Variants in ATP8B3 observed in about 807,000 individuals in gnomAD.
ATP8B3 encodes phospholipid-transporting ATPase IK.
ATP8B3 carries 141 observed loss-of-function variants against 140.9 expected under a neutral mutation model. That is an observed-to-expected ratio of 1.00 (90% CI 0.87 to 1.15). ATP8B3 has a LOEUF of 1.15. Among genes scored for constraint, ATP8B3 ranks in the 50% most tolerant of loss-of-function variants. The pLI is 0.00. For synonymous variants in ATP8B3, 765 were observed against 714.6 expected, an observed-to-expected ratio of 1.07 and a Z score of -1.13; for missense variants, 1,874 against 1,740.6, an observed-to-expected ratio of 1.08 and a Z score of -1.36.
chr19:1,807,318 C>G lies in ATP8B3; in HGVS notation c.517-52G>C. On this transcript the variant is annotated intron_variant, in intron 5 of 28. Coordinates refer to ENST00000310127, the MANE Select transcript of ATP8B3 (RefSeq NM_138813.4). This position sits in a 1 kb window ranked among gnomAD's most constrained non-coding sequence, Gnocchi z 5.9. ...TCACACCAGCCCACTCCCCCGTCCCCTGCCCTTCCACCAAGCCGACCTAGC... is the reference window on the plus strand; with the variant it reads ...TCACACCAGCCCACTCCCCCGTCCCGTGCCCTTCCACCAAGCCGACCTAGC... The G allele has an allele frequency of 6.7e-7, 1 of 1,481,974 alleles. No homozygotes were observed. The highest frequency in any genetic ancestry group is 1.1e-5 in the South Asian group (1 of 87,166). The allele number at this position is 1,481,974 out of a possible 1,614,324, so 91.8% of individuals were successfully genotyped here. A position where few individuals can be genotyped will look rare whatever the true frequency, so the allele number is the denominator to read the frequency against.
chr19:1,791,953 C>T (rs767028725), intron 19 of ATP8B3, 48 bp downstream of exon 19: 7 of 1,488,798 alleles, frequency 4.7e-6, no homozygotes, highest in East Asian at 5.0e-5. Flanking sequence ...CCCTTGGGTG[C>T]CCCCGCTGCC....
Position 1,800,215 on chromosome 19 carries a change from C to T in ATP8B3, c.1343+44G>A, listed in dbSNP as rs766182344. ...CTGCTGTGTGCCATCCCCATGCCTC[C>T]CCGTTCCGCGTTTGCACCGGGGACG... On this transcript the variant is annotated intron_variant, in intron 13 of 28. Transcript: ENST00000310127. The surrounding 1 kb of genome is among the most constrained non-coding windows in gnomAD (Gnocchi z 4.4). The T allele has an allele frequency of 1.4e-5, 23 of 1,598,930 alleles. No homozygotes were observed. Among genetic ancestry groups the T allele is most frequent in the Admixed American group, 5.1e-5 (3 of 58,270 alleles).
Position 1,784,878 on chromosome 19 carries a change from T to C in ATP8B3, c.3601A>G (p.Thr1201Ala). The change falls in exon 28 of 29, where the codon ACC becomes GCC. Residue 1201 changes from threonine to alanine, a missense_variant. Coordinates refer to ENST00000310127, the MANE Select transcript of ATP8B3 (RefSeq NM_138813.4). Reference sequence around the variant, plus strand: ...ACTCGGAGGGCCAGGACAGGGAAGGTGTTTATGGACACACTCAGCAGGACC... The same window carrying C: ...ACTCGGAGGGCCAGGACAGGGAAGGCGTTTATGGACACACTCAGCAGGACC... Reference protein sequence around the residue: ...LVVLLSVSINTFPVLALRVIF... With the variant: ...LVVLLSVSINAFPVLALRVIF... The C allele has an allele frequency of 6.2e-7, 1 of 1,612,774 alleles. No individual in the cohort carries two copies. Among genetic ancestry groups the C allele is most frequent in the Non-Finnish European group, 8.5e-7 (1 of 1,179,486 alleles).
In ATP8B3 at chr19:1,806,682, T is replaced by C. The variant is rs1468086250; in HGVS notation, c.623A>G (p.His208Arg). ...TRDLVDDMGR[H>R]KSDRAINNRP... is the part of the protein sequence containing the mutation. Reference sequence around the variant, plus strand: ...GTTGTTGATGGCTCTGTCACTCTTGTGTCTCCCCTGGGCCAGGAGGGAAAG... The same window carrying C: ...GTTGTTGATGGCTCTGTCACTCTTGCGTCTCCCCTGGGCCAGGAGGGAAAG... Residue 208 changes from histidine (H) to arginine (R), a missense_variant, in exon 7 of 29, where the codon CAC becomes CGC. His to Arg is a conservative substitution (Grantham distance 29, BLOSUM62 0). Around this residue, in one of 3 missense-constraint regions of ATP8B3, gnomAD observed 1,032 missense variants for 963.6 expected, o/e 1.07. Coordinates refer to ENST00000310127, the MANE Select transcript of ATP8B3 (RefSeq NM_138813.4). The surrounding 1 kb of genome is among the most constrained non-coding windows in gnomAD (Gnocchi z 5.6). 1.3e-5 allele frequency: 20 copies of C among 1,562,708 alleles called. No individual in the cohort carries two copies. Among genetic ancestry groups the C allele is most frequent in the Non-Finnish European group, 1.7e-5 (20 of 1,154,012 alleles).
chr19:1,793,972 C>T (rs1339419121), intron 18 of ATP8B3, among the ~76,000 whole-genome samples: 2 of 151,998 alleles, frequency 1.3e-5, no homozygotes. Flanking sequence ...GAACTCCTGA[C>T]CTCAAATGAT....
chr19:1,789,079 G>C lies in ATP8B3; in HGVS notation c.2887C>G (p.Gln963Glu), dbSNP rs1391827465. The change falls in exon 24 of 29, where the codon CAG becomes GAG. Residue 963 changes from glutamine (Q) to glutamate (E), a missense_variant. By Grantham distance (29) the Gln-to-Glu change is conservative. Around this residue, in one of 3 missense-constraint regions of ATP8B3, gnomAD observed 840 missense variants for 760.9 expected, o/e 1.10. Coordinates refer to ENST00000310127, the MANE Select transcript of ATP8B3 (RefSeq NM_138813.4). ...ACGAAGTCGCTGTTCTGAACTGCCT[G>C]CATGCCCTCCTGGCCCGCCAGCCCC... Reference protein sequence around the residue: ...GVGLAGQEGMQAVQNSDFVLG... With the variant: ...GVGLAGQEGMEAVQNSDFVLG... 2 of 1,586,950 alleles carry C rather than the reference G, an allele frequency of 1.3e-6. No homozygotes were observed. Among genetic ancestry groups the C allele is most frequent in the Admixed American group, 1.7e-5 (1 of 57,302 alleles).
At chr19:1,793,843 A>C (rs2068590104) in intron 18 of ATP8B3, among the ~76,000 whole-genome samples, 1 of 151,842 alleles carries the variant, frequency 6.6e-6, no homozygotes, top group Non-Finnish European at 1.5e-5. Flanking sequence ...CCCGGGTTCA[A>C]GCGATTCTCC....
rs369043090 is a variant in ATP8B3, at chr19:1,796,796, G to T, written c.1668C>A (p.Asn556Lys). ...AGAACTCCCGCACGGCCTCGTCCCC[G>T]TTGGTCCGCACGAGGTGCAGCAGGG... Reference protein sequence around the residue: ...NAALLHLVRTNGDEAVREFWR... With the variant: ...NAALLHLVRTKGDEAVREFWR... Residue 556 changes from asparagine to lysine, a missense_variant, in exon 16 of 29, where the codon AAC becomes AAA. Physicochemically the swap from Asn to Lys is moderately conservative, Grantham distance 94. Transcript: ENST00000310127. 7 of 1,612,418 alleles carry T rather than the reference G, an allele frequency of 4.3e-6. No individual in the cohort carries two copies. In the African/African-American group the frequency reaches 9.3e-5, roughly 22 times the overall value.
chr19:1,783,558 A>G (rs2068220279), intron 28 of ATP8B3, among the ~76,000 whole-genome samples: 3 of 152,130 alleles, frequency 2.0e-5, no homozygotes, highest in African/African-American at 7.2e-5. Flanking sequence ...GGACCACCCA[A>G]TCAGAGTCCT....
In ATP8B3 at chr19:1,800,106, GC is replaced by G. The variant is rs753684121; in HGVS notation, c.1392del (p.Gln465ArgfsTer41). 22 of 1,566,490 alleles carry G rather than the reference GC, an allele frequency of 1.4e-5. No homozygotes were observed. Among genetic ancestry groups the G allele is most frequent in the Non-Finnish European group, 1.8e-5 (21 of 1,155,820 alleles). On this transcript the variant is annotated frameshift_variant, in exon 14 of 29. Transcript: ENST00000310127. LOFTEE classifies it high-confidence loss of function. The surrounding 1 kb of genome is among the most constrained non-coding windows in gnomAD (Gnocchi z 4.4). ...ACGTCCTGCGGCTTGTAGTACATCT[GC>G]ACGTCCCAGTCGATGAAGACGCTGT... Reference protein sequence around the residue: ...LGNSVFIDWDVQMYYKPQDVP... With the variant: ...LGNSVFIDWDXQMYYKPQDVP...
chr19:1,795,550 CAAAGA>C (rs1196120200), intron 18 of ATP8B3, among the ~76,000 whole-genome samples: 3 of 151,710 alleles, frequency 2.0e-5, no homozygotes, highest in African/African-American at 4.9e-5. Flanking sequence ...GACTCTGTCT[CAAAGA>C]AAAGAAAAGA....
intron 18 of ATP8B3, among the ~76,000 whole-genome samples, chr19:1,795,475 C>T (rs928723815): frequency 6.6e-6 from 1 of 151,176 alleles, no homozygotes; most frequent in African/African-American, 2.4e-5. Flanking sequence ...CACTTGAACC[C>T]GGGAGGCGGA....
At position 1,789,822 on chromosome 19, in the gene ATP8B3, G is replaced by C. The variant is rs1332831455; in HGVS notation, c.2478+68C>G. The C allele has an allele frequency of 1.5e-5, 23 of 1,579,512 alleles. No individual in the cohort carries two copies. In the South Asian group the frequency reaches 2.5e-4, roughly 17 times the overall value. ...CGGCCTCGCCAGCAGTCCCCACCCC[G>C]AGCCCGCCGCCCCTCCAGGCCCCTC... On this transcript the variant is annotated intron_variant, in intron 22 of 28. Transcript: ENST00000310127.
chr19:1,791,171 T>C (rs563433605), intron 20 of ATP8B3, among the ~76,000 whole-genome samples: 18 of 152,220 alleles, frequency 1.2e-4, no homozygotes, highest in African/African-American at 4.1e-4. Flanking sequence ...ATTGAATATG[T>C]TTCCCTGGGC....
chr19:1,809,754 C>T lies in ATP8B3; in HGVS notation c.311-20G>A, dbSNP rs182290731. The T allele has an allele frequency of 1.6e-5, 25 of 1,590,756 alleles. No individual in the cohort carries two copies. The East Asian group carries it at 2.0e-4, about 13-fold the overall frequency. On this transcript the variant is annotated intron_variant, in intron 3 of 28. Transcript: ENST00000310127. ...TGAATGCTGCAGCGAGAGAGCCGGG[C>T]GTCGCTGGAGCTCGAGGCCCAGGAC...
intron 14 of ATP8B3, 131 bp downstream of exon 14, chr19:1,799,815 TG>T: frequency 1.0e-6 from 1 of 961,674 alleles, no homozygotes. Context: ...CCAGGCCATC[TG>T]GCTACGGTTC....
rs762273654 is a variant in ATP8B3 at position 1,796,201 on chromosome 19, G to A, written c.1818C>T (p.Phe606=). 3.2e-5 allele frequency: 51 copies of A among 1,612,686 alleles called. No individual in the cohort carries two copies. The highest frequency in any genetic ancestry group is 1.1e-4 in the South Asian group (10 of 91,078). The change falls in exon 17 of 29, where the codon TTC becomes TTT. Residue 606 remains phenylalanine (F), a synonymous_variant. Transcript: ENST00000310127. ...GGGTGCGGGACAGGAACACGTAGCC[G>A]AAGTTCCGGGCTGCGGTGACCAGCG... ...EGALVTAARN[F]GYVFLSRTQD...
chr19:1,797,146 C>G (rs1177621318), intron 14 of ATP8B3, 141 bp from the exon 15 acceptor site: 3 of 1,331,082 alleles, frequency 2.3e-6, no homozygotes, highest in Non-Finnish European at 3.1e-6. Flanking sequence ...GAACCGACAC[C>G]CCGAGCAATC....
In ATP8B3 at chr19:1,806,972, C is replaced by A. The variant is rs1386142564; in HGVS notation, c.615+196G>T. On this transcript the variant is annotated intron_variant, in intron 6 of 28. Transcript: ENST00000310127. This position sits in a 1 kb window ranked among gnomAD's most constrained non-coding sequence, Gnocchi z 5.6. ...CAAAACCACGCACCGACAGAGCCAA[C>A]GCCACCTGCGGCACCTGCCCAATGT... Among the ~76,000 whole-genome samples the A allele has an allele frequency of 6.6e-6, 1 of 152,148 alleles. No individual in the cohort carries two copies.
Sources: gnomAD v4.1 joint callset for allele counts (sites outside exome capture counted in the v4.1 genomes callset) on GRCh38, gnomAD v4.1.1 for gene constraint, gnomAD v4.1.1 regional missense constraint, Gnocchi (gnomAD v3.1) non-coding constraint, MANE v1.5 for transcripts, NCBI Gene and HGNC (gene_info 2026-07-23, HGNC 2026-07-21) for gene names.